Variants in MCFD2 observed in about 807,000 individuals in gnomAD.
The protein encoded by MCFD2 is multiple coagulation factor deficiency protein 2.
Under a neutral mutation model 12.8 loss-of-function variants are expected in MCFD2, and 11 were observed. The observed-to-expected ratio is 0.86, with a 90% CI of 0.54 to 1.42. The LOEUF is 1.42. Ranked by LOEUF, MCFD2 falls within the 40% of genes most tolerant of loss-of-function variation. The pLI, the probability that MCFD2 is intolerant of heterozygous loss-of-function variation, is 0.00. For synonymous variants in MCFD2, 70 were observed against 68.1 expected (o/e 1.03, Z -0.14); for missense variants, 191 against 178.6 (o/e 1.07, Z -0.40).
intron 1 of MCFD2, among the ~76,000 whole-genome samples, chr2:46,925,268 A>G (rs1020903022): frequency 2.6e-5 from 4 of 152,182 alleles, no homozygotes; most frequent in African/African-American, 9.7e-5. Flanking sequence ...TTTTTTAACA[A>G]TATGTTGAGC....
intron 3 of MCFD2, among the ~76,000 whole-genome samples, chr2:46,906,593 C>G (rs769684094): frequency 6.7e-6 from 1 of 149,870 alleles, no homozygotes; most frequent in Non-Finnish European, 1.5e-5. Context: ...TCAGGTGTTC[C>G]TCCCCACTAC....
At chr2:46,919,551 C>T (rs377020479), upstream of MCFD2, among the ~76,000 whole-genome samples, 21 of 152,184 alleles carry the variant, frequency 1.4e-4, no homozygotes, top group African/African-American at 4.8e-4. Context: ...ATAAATAAGA[C>T]TTTAGGTAAG....
chr2:46,911,765 C>A (rs1039731999), intron 1 of MCFD2, among the ~76,000 whole-genome samples: 1 of 151,698 alleles, frequency 6.6e-6, no homozygotes, highest in African/African-American at 2.4e-5. Context: ...ACTAAAAATA[C>A]AAAAATAAAA....
chr2:46,934,591 T>C (rs1669871069), intron 1 of MCFD2, among the ~76,000 whole-genome samples: 1 of 151,942 alleles, frequency 6.6e-6, no homozygotes, highest in African/African-American at 2.4e-5. Flanking sequence ...TTTCAATAGA[T>C]AGACTCAAAC....
At chr2:46,919,237 T>G (rs1242523423), upstream of MCFD2, among the ~76,000 whole-genome samples, 1 of 152,210 alleles carries the variant, frequency 6.6e-6, no homozygotes, top group East Asian at 1.9e-4. Flanking sequence ...TAAAAACAAT[T>G]TAAAGACTCT....
intron 1 of MCFD2, among the ~76,000 whole-genome samples, chr2:46,935,699 G>C (rs924723472): frequency 6.6e-6 from 1 of 152,202 alleles, no homozygotes; most frequent in Non-Finnish European, 1.5e-5. Flanking sequence ...GAAACAGGGT[G>C]ATCCTCTGAG....
intron 1 of MCFD2, among the ~76,000 whole-genome samples, chr2:46,914,628 T>C (rs1645589291): frequency 6.6e-6 from 1 of 152,188 alleles, no homozygotes. Context: ...GTACTGAAGA[T>C]AGTACTATGA....
chr2:46,906,926 C>T (rs1668264725), intron 3 of MCFD2: 2 of 152,220 alleles, frequency 1.3e-5, no homozygotes, highest in Non-Finnish European at 2.9e-5. Context: ...ACAGCCTCAA[C>T]CTCTCAGGTT....
rs764322613 is a variant in MCFD2 at position 46,907,882 on chromosome 2, C to A, written c.237G>T (p.Met79Ile). ...GCAAATTATTGCCATCATAATCATGCATTTTGAAGTAATGGAGCTGCAATT... is the reference window on the plus strand; with the variant it reads ...GCAAATTATTGCCATCATAATCATGAATTTTGAAGTAATGGAGCTGCAATT... Reference protein sequence around the residue: ...PQELQLHYFKMHDYDGNNLLD... With the variant: ...PQELQLHYFKIHDYDGNNLLD... Residue 79 changes from methionine (M) to isoleucine (I), a missense_variant, in exon 3 of 4, where the codon ATG becomes ATT. Coordinates refer to ENST00000319466, the MANE Select transcript of MCFD2 (RefSeq NM_139279.6). The surrounding 1 kb of genome is among the most constrained non-coding windows in gnomAD (Gnocchi z 4.1). 2 of 1,614,054 alleles carry A rather than the reference C, an allele frequency of 1.2e-6. No individual in the cohort carries two copies. Among genetic ancestry groups the A allele is most frequent in the Non-Finnish European group, 8.5e-7 (1 of 1,180,034 alleles).
Position 46,941,529 on chromosome 2 carries a change from C to T in MCFD2, c.-8+43G>A, listed in dbSNP as rs1383045593. ...TTCTTGGCCGCACCTTCCATGACAG[C>T]GCCCGCGAGAAGATGGCTGCGAAGG... On this transcript the variant is annotated intron_variant, in intron 1 of 2. Transcript: ENST00000409147. This position sits in a 1 kb window ranked among gnomAD's most constrained non-coding sequence, Gnocchi z 4.2. The T allele has an allele frequency of 2.6e-6, 4 of 1,550,972 alleles. No individual in the cohort carries two copies. The South Asian group carries it at 3.6e-5, about 14-fold the overall frequency.
At chr2:46,919,830 T>G (rs1669005726), upstream of MCFD2, among the ~76,000 whole-genome samples, 1 of 152,262 alleles carries the variant, frequency 6.6e-6, no homozygotes, top group Non-Finnish European at 1.5e-5. Flanking sequence ...CAGTTTCTTT[T>G]GTTTAGAGAA....
At chr2:46,914,928 T>C (rs1668646621) in intron 1 of MCFD2, among the ~76,000 whole-genome samples, 1 of 152,210 alleles carries the variant, frequency 6.6e-6, no homozygotes, top group Non-Finnish European at 1.5e-5. Context: ...AGACAGGTCA[T>C]GAAGGGCTTT....
chr2:46,910,643 C>G (rs941851906), intron 1 of MCFD2: 2 of 152,190 alleles, frequency 1.3e-5, no homozygotes, highest in Non-Finnish European at 2.9e-5. Context: ...GAGTATGCCA[C>G]CCTACAACAC....
chr2:46,929,564 A>T (rs1669586121), intron 1 of MCFD2, among the ~76,000 whole-genome samples: 1 of 152,236 alleles, frequency 6.6e-6, no homozygotes, highest in South Asian at 2.1e-4. Context: ...AGGAAATGTA[A>T]AAAAATTTTT....
intron 1 of MCFD2, 146 bp from the exon 2 acceptor site, chr2:46,909,323 G>C (rs1288320437): frequency 3.1e-6 from 3 of 959,846 alleles, no homozygotes; most frequent in Non-Finnish European, 4.8e-6. Flanking sequence ...TGCCAGCTCT[G>C]CTTTGAGACT....
intron 1 of MCFD2, among the ~76,000 whole-genome samples, chr2:46,927,834 CTG>C (rs1263096149): frequency 2.0e-5 from 3 of 146,572 alleles, no homozygotes; most frequent in Non-Finnish European, 3.0e-5. Context: ...TAGAAAAAAA[CTG>C]AGTGATTTAT....
chr2:46,905,416 T>C lies in MCFD2; in HGVS notation c.*47A>G. ...GCATTACTAAAGTGTTCAATCACAT[T>C]ATCACGGGTCACATTTGTATATAAC... On this transcript the variant is annotated 3_prime_UTR_variant, in exon 4 of 4. Coordinates refer to ENST00000319466, the MANE Select transcript of MCFD2 (RefSeq NM_139279.6). 1 of 1,608,548 alleles carries C rather than the reference T, an allele frequency of 6.2e-7. No individual in the cohort carries two copies. Among genetic ancestry groups the C allele is most frequent in the Non-Finnish European group, 8.5e-7 (1 of 1,176,986 alleles).
At chr2:46,920,510 T>C (rs1472460501), upstream of MCFD2, among the ~76,000 whole-genome samples, 1 of 152,048 alleles carries the variant, frequency 6.6e-6, no homozygotes, top group Admixed American at 6.6e-5. Flanking sequence ...TTTGTATTTT[T>C]AGTAGAGATG....
intron 1 of MCFD2, among the ~76,000 whole-genome samples, chr2:46,938,994 G>T (rs1670116622): frequency 6.8e-6 from 1 of 147,514 alleles, no homozygotes; most frequent in Non-Finnish European, 1.5e-5. Context: ...CTGGGCAACA[G>T]AGCGAGACTC....
Sources: allele counts gnomAD v4.1 joint callset (sites outside exome capture counted in the v4.1 genomes callset), GRCh38; gene constraint gnomAD v4.1.1; non-coding constraint Gnocchi (gnomAD v3.1); transcripts MANE v1.5; gene names NCBI Gene and HGNC (gene_info 2026-07-23, HGNC 2026-07-21).